PSD2: variants seen among roughly 807,000 people sequenced by gnomAD.
PSD2 encodes the protein pleckstrin and Sec7 domain containing 2.
In PSD2, 38 loss-of-function variants were observed where a neutral mutation model predicts 69.8. The observed-to-expected ratio is 0.54, with a 90% CI of 0.42 to 0.71. PSD2 has a LOEUF of 0.71. Among genes scored for constraint, PSD2 ranks in the 30% least tolerant of loss-of-function variants. The pLI is 0.00. For synonymous variants in PSD2, 412 were observed against 423.0 expected, an observed-to-expected ratio of 0.97 and a Z score of 0.32; for missense variants, 943 against 1,014.5, an observed-to-expected ratio of 0.93 and a Z score of 0.96.
the PSD2 span, among the ~76,000 whole-genome samples, chr5:139,781,333 T>C: frequency 6.6e-6 from 1 of 151,394 alleles, no homozygotes; most frequent in East Asian, 1.9e-4. Flanking sequence ...ATCACATATC[T>C]CTCTCTTTTT....
Position 139,842,751 on chromosome 5 carries a change from A to C in PSD2, c.*277A>C. ...TAGGCCAGTTGTGTGCATGCTCTAG[A>C]CACCACCTCGCTGGAGAAGCTGGAA... On this transcript the variant is annotated 3_prime_UTR_variant, in exon 15 of 15. Transcript: ENST00000274710. 2.5e-6 allele frequency: 1 copy of C among 394,504 alleles called. No individual in the cohort carries two copies. Among genetic ancestry groups the C allele is most frequent in the Non-Finnish European group, 4.6e-6 (1 of 218,118 alleles). 24.4% of individuals were successfully genotyped at this position (394,504 alleles called of 1,614,324 possible). A position where few individuals can be genotyped will look rare whatever the true frequency, so the allele number is the denominator to read the frequency against.
chr5:139,840,306 T>A, intron 14 of PSD2, 136 bp downstream of exon 14: 1 of 961,878 alleles, frequency 1.0e-6, no homozygotes, highest in South Asian at 1.7e-5. Flanking sequence ...GGGAACAGGG[T>A]CCCCTGACCT....
the PSD2 span, among the ~76,000 whole-genome samples, chr5:139,759,622 T>C: frequency 2.0e-5 from 3 of 152,196 alleles, no homozygotes; most frequent in African/African-American, 7.2e-5. Flanking sequence ...GAGACGGCGA[T>C]TAATCACGGG....
At chr5:139,813,096 G>A (rs1046468745) in intron 2 of PSD2, among the ~76,000 whole-genome samples, 12 of 152,292 alleles carry the variant, frequency 7.9e-5, no homozygotes, top group Non-Finnish European at 7.4e-5. Flanking sequence ...TGGGGGCCCC[G>A]GCCCCAGGTC....
chr5:139,837,672 C>T lies in PSD2; in HGVS notation c.1713C>T (p.Asn571=), dbSNP rs767061112. Residue 571 remains asparagine, a synonymous_variant, in exon 12 of 15, where the codon AAC becomes AAT. Coordinates refer to ENST00000274710, the MANE Select transcript of PSD2 (RefSeq NM_032289.4). The surrounding 1 kb of genome is among the most constrained non-coding windows in gnomAD (Gnocchi z 5.0). ...CTCTATCGGAGGGTGACCTGAAGAA[C>T]GCCATTCGCGTGCATCACGCTCTGG... ...DKALSEGDLK[N]AIRVHHALAT... 33 of 1,613,822 alleles carry T rather than the reference C, an allele frequency of 2.0e-5. No individual in the cohort carries two copies. The highest frequency in any genetic ancestry group is 1.8e-4 in the Admixed American group (11 of 59,986).
At position 139,825,827 on chromosome 5, in the gene PSD2, G is replaced by A. The variant is rs557843376; in HGVS notation, c.1269+3043G>A. ...GGTGCAGACACTTGGGCTGAAGACA[G>A]AGATGGGGTGGGGTGGAATTCAAAG... On this transcript the variant is annotated intron_variant, in intron 7 of 14. Transcript: ENST00000274710. Among the ~76,000 whole-genome samples, 6 of 152,322 alleles carry A rather than the reference G, an allele frequency of 3.9e-5. No homozygotes were observed. In the South Asian group the frequency reaches 6.2e-4, roughly 16 times the overall value.
chr5:139,771,605 C>G, the PSD2 span, among the ~76,000 whole-genome samples: 2 of 152,142 alleles, frequency 1.3e-5, no homozygotes, highest in Admixed American at 6.5e-5. Flanking sequence ...GTCTCGATTT[C>G]CTGACCTCGT....
chr5:139,745,694 C>T, the PSD2 span, among the ~76,000 whole-genome samples: 2 of 152,224 alleles, frequency 1.3e-5, no homozygotes, highest in Non-Finnish European at 1.5e-5. Context: ...TGCCCAGTGC[C>T]ACTCCCTTCA....
At chr5:139,817,624 G>C in intron 5 of PSD2, 63 bp downstream of exon 5, 1 of 1,352,132 alleles carries the variant, frequency 7.4e-7, no homozygotes, top group African/African-American at 1.4e-5. Flanking sequence ...GGATTCTCAT[G>C]TCAACTCTAC....
the PSD2 span, among the ~76,000 whole-genome samples, chr5:139,767,669 C>T: frequency 2.0e-5 from 3 of 152,182 alleles, no homozygotes; most frequent in South Asian, 6.2e-4. Flanking sequence ...GATCAAAACT[C>T]TACCTACTTC....
chr5:139,772,847 C>G, the PSD2 span: 3 of 152,152 alleles, frequency 2.0e-5, no homozygotes, highest in African/African-American at 7.2e-5. Context: ...TTTCCCCTCC[C>G]CGCAGGCTGT....
intron 7 of PSD2, among the ~76,000 whole-genome samples, chr5:139,833,460 C>A (rs1760641553): frequency 6.6e-6 from 1 of 152,198 alleles, no homozygotes; most frequent in Non-Finnish European, 1.5e-5. Context: ...CTTCATCCAG[C>A]CCAACTCCTT....
At chr5:139,833,416 A>G (rs533952354) in intron 7 of PSD2, among the ~76,000 whole-genome samples, 63 of 152,278 alleles carry the variant, frequency 4.1e-4, no homozygotes, top group African/African-American at 1.4e-3. Context: ...CCTGGAACAT[A>G]GTAGGCACCT....
chr5:139,770,309 C>G, the PSD2 span, among the ~76,000 whole-genome samples: 2 of 152,200 alleles, frequency 1.3e-5, no homozygotes, highest in African/African-American at 4.8e-5. Flanking sequence ...GTAATCCCAG[C>G]ACTTTGGGGA....
At chr5:139,817,706 G>A (rs1185733074) in intron 5 of PSD2, 145 bp downstream of exon 5, 2 of 670,656 alleles carry the variant, frequency 3.0e-6, no homozygotes, top group South Asian at 1.8e-5. Context: ...GGCCACAGGA[G>A]CAGCAGCGGC....
At chr5:139,788,526 G>A in the PSD2 span, among the ~76,000 whole-genome samples, 2 of 152,138 alleles carry the variant, frequency 1.3e-5, no homozygotes, top group African/African-American at 4.8e-5. Context: ...ACTGGGGGGG[G>A]CACAAGGGGC....
chr5:139,838,064 G>A (rs893304562), intron 12 of PSD2, among the ~76,000 whole-genome samples: 1 of 152,240 alleles, frequency 6.6e-6, no homozygotes, highest in African/African-American at 2.4e-5. Context: ...GAGTGCGCTG[G>A]AGTCTGCAAT....
Position 139,843,542 on chromosome 5 carries a change from C to T in PSD2, c.*1068C>T, listed in dbSNP as rs1760928642. On this transcript the variant is annotated 3_prime_UTR_variant, in exon 15 of 15. Coordinates refer to ENST00000274710, the MANE Select transcript of PSD2 (RefSeq NM_032289.4). ...TCTACTGCTATAGGAATAAAAGACA[C>T]TCTGTCTCGCAAATGGCTGCTTGTC... is the stretch of plus-strand genomic sequence containing the variant. 1 of 152,228 alleles carries T rather than the reference C, an allele frequency of 6.6e-6. No individual in the cohort carries two copies. 9.4% of individuals were successfully genotyped at this position (152,228 alleles called of 1,614,324 possible).
intron 4 of PSD2, among the ~76,000 whole-genome samples, chr5:139,817,235 C>T (rs1230833277): frequency 1.3e-5 from 2 of 152,198 alleles, no homozygotes; most frequent in Non-Finnish European, 2.9e-5. Context: ...TCATCCCACC[C>T]CTACTCCCTT....
Sources: allele counts gnomAD v4.1 joint callset (sites outside exome capture counted in the v4.1 genomes callset), GRCh38; gene constraint gnomAD v4.1.1; non-coding constraint Gnocchi (gnomAD v3.1); transcripts MANE v1.5; gene names NCBI Gene and HGNC (gene_info 2026-07-23, HGNC 2026-07-21).